The following PDXK variants were observed in gnomAD, a reference collection of about 807,000 sequenced individuals.
PDXK encodes the protein pyridoxal kinase.
PDXK carries 15 observed loss-of-function variants against 43.2 expected under a neutral mutation model. The observed-to-expected ratio is 0.35, with a 90% confidence interval of 0.23 to 0.53. The LOEUF (loss-of-function observed/expected upper bound fraction) is 0.53. Ranked by LOEUF, PDXK falls within the 20% of genes least tolerant of loss-of-function variation. PDXK has a pLI of 0.92. For missense variants in PDXK, 343 were observed against 417.0 expected (o/e 0.82, Z 1.54); for synonymous variants, 172 against 165.4 (o/e 1.04, Z -0.31).
intron 1 of PDXK, chr21:43,733,599 G>GCTGCCCGCGGAGCCCTTGGC: frequency 9.7e-7 from 1 of 1,028,074 alleles, no homozygotes; most frequent in South Asian, 3.5e-5. Flanking sequence ...AGGCATGTGT[G>GCTGCCCGCGGAGCCCTTGGC]CTGCCCGCGG....
At chr21:43,726,696 C>G (rs1427825573) in intron 1 of PDXK, among the ~76,000 whole-genome samples, 1 of 152,214 alleles carries the variant, frequency 6.6e-6, no homozygotes, top group Non-Finnish European at 1.5e-5. Context: ...GCATGAGCCA[C>G]TGCACCCAGC....
At position 43,754,828 on chromosome 21, in the gene PDXK, G is replaced by A. The variant is rs966604147; in HGVS notation, c.760-870G>A. Among the ~76,000 whole-genome samples the A allele has an allele frequency of 6.6e-5, 10 of 152,198 alleles. No individual in the cohort carries two copies. Among genetic ancestry groups the A allele is most frequent in the East Asian group, 5.8e-4 (3 of 5,166 alleles). The stretch of plus-strand genomic sequence containing the variant: ...CCGCTTAAGGGGCCACGTGTCCCCC[G>A]GGGTACACCTCCTCCCCAACAAGTC... On this transcript the variant is annotated intron_variant, in intron 9 of 10. Coordinates refer to ENST00000291565, the MANE Select transcript of PDXK (RefSeq NM_003681.5). This position sits in a 1 kb window ranked among gnomAD's most constrained non-coding sequence, Gnocchi z 5.5.
chr21:43,732,264 A>G lies in PDXK; in HGVS notation c.88-1805A>G, dbSNP rs918765790. The stretch of plus-strand genomic sequence containing the variant: ...TGGCTTCCAGCTGAAGGACATGTGT[A>G]ACAGCAGGAGATACCTTTCTCTGGG... On this transcript the variant is annotated intron_variant, in intron 1 of 10. Transcript: ENST00000291565. This position sits in a 1 kb window ranked among gnomAD's most constrained non-coding sequence, Gnocchi z 4.1. 9 of 1,509,564 alleles carry G rather than the reference A, an allele frequency of 6.0e-6. No individual in the cohort carries two copies. Among genetic ancestry groups the G allele is most frequent in the South Asian group, 1.3e-5 (1 of 75,444 alleles). The allele number at this position is 1,509,564 out of a possible 1,614,324, so 93.5% of individuals were successfully genotyped here.
chr21:43,733,397 A>G (rs968441111), intron 1 of PDXK, among the ~76,000 whole-genome samples: 1 of 152,038 alleles, frequency 6.6e-6, no homozygotes, highest in African/African-American at 2.4e-5. Context: ...GGTTTGGGGC[A>G]TTGCTGGTGC....
chr21:43,757,744 A>T lies in PDXK; in HGVS notation c.*1681A>T, dbSNP rs1047452389. 2 of 152,200 alleles carry T rather than the reference A, an allele frequency of 1.3e-5. No individual in the cohort carries two copies. The highest frequency in any genetic ancestry group is 1.9e-4 in the East Asian group (1 of 5,164). 9.4% of individuals were successfully genotyped at this position (152,200 alleles called of 1,614,324 possible). On this transcript the variant is annotated 3_prime_UTR_variant, in exon 11 of 11. Coordinates refer to ENST00000291565, the MANE Select transcript of PDXK (RefSeq NM_003681.5). ...AGCCATGTTTCCTGGCTCCGAGGAC[A>T]CGGGTGGCAGGCCCGTTGCAGCCCA... is the stretch of plus-strand genomic sequence containing the variant.
At chr21:43,751,347 G>A (rs557855018) in intron 7 of PDXK, among the ~76,000 whole-genome samples, 2 of 152,090 alleles carry the variant, frequency 1.3e-5, no homozygotes, top group African/African-American at 4.8e-5. Flanking sequence ...TCAGGAGTTC[G>A]AGACCAGCCT....
chr21:43,728,902 G>A, intron 1 of PDXK: 1 of 985,570 alleles, frequency 1.0e-6, no homozygotes. Context: ...CCCTTTCTAA[G>A]CCATCCCACT....
intron 1 of PDXK, chr21:43,719,670 T>C (rs941180032): frequency 3.7e-5 from 36 of 985,266 alleles, no homozygotes; most frequent in Non-Finnish European, 4.2e-5. Flanking sequence ...CCGCTCGTCC[T>C]CGCCCCTTCC....
chr21:43,752,812 C>T (rs934439718), intron 8 of PDXK, among the ~76,000 whole-genome samples, 183 bp downstream of exon 8: 2 of 152,172 alleles, frequency 1.3e-5, no homozygotes, highest in Non-Finnish European at 2.9e-5. Context: ...TCACAGGTCA[C>T]GATGAATGGC....
intron 7 of PDXK, among the ~76,000 whole-genome samples, chr21:43,751,198 A>T (rs1380880900): frequency 6.6e-6 from 1 of 152,226 alleles, no homozygotes; most frequent in East Asian, 1.9e-4. Context: ...TGGTTGAGTC[A>T]TCTTAGTCTG....
chr21:43,728,983 C>T lies in PDXK; in HGVS notation c.88-5086C>T, dbSNP rs1361156362. 6 of 985,660 alleles carry T rather than the reference C, an allele frequency of 6.1e-6. No individual in the cohort carries two copies. The Admixed American group carries it at 1.8e-4, about 30-fold the overall frequency. The allele number at this position is 985,660 out of a possible 1,614,324, so 61.1% of individuals were successfully genotyped here. A position where few individuals can be genotyped will look rare whatever the true frequency, so the allele number is the denominator to read the frequency against. ...TAGCCATCTGACTGGCTTTCTCTCTCGGCAGGAGACGGGGCGCACGCCTGC... is the reference window on the plus strand; with the variant it reads ...TAGCCATCTGACTGGCTTTCTCTCTTGGCAGGAGACGGGGCGCACGCCTGC... On this transcript the variant is annotated intron_variant, in intron 1 of 10. Coordinates refer to ENST00000291565, the MANE Select transcript of PDXK (RefSeq NM_003681.5).
At chr21:43,743,616 C>T in intron 3 of PDXK, 108 bp from the exon 4 acceptor site, 2 of 780,266 alleles carry the variant, frequency 2.6e-6, no homozygotes, top group Non-Finnish European at 4.4e-6. Flanking sequence ...CACCTCCCTC[C>T]CCAGCCACCC....
intron 4 of PDXK, chr21:43,745,654 G>A (rs1381993373): frequency 5.7e-6 from 1 of 176,598 alleles, no homozygotes. Flanking sequence ...ATATTAAAAA[G>A]TTAAAAAAGG....
rs1403762360 is a variant in PDXK, at chr21:43,734,015, TG to T, written c.88-51del. ...CTGAGTCAGCACCTGCTGGGGTTCG[TG>T]GGACCCCAGACCTGGCTCTCTTACG... On this transcript the variant is annotated intron_variant, in intron 1 of 10. Transcript: ENST00000291565. The surrounding 1 kb of genome is among the most constrained non-coding windows in gnomAD (Gnocchi z 5.0). The T allele has an allele frequency of 6.4e-7, 1 of 1,564,164 alleles. No homozygotes were observed. The highest frequency in any genetic ancestry group is 1.4e-5 in the African/African-American group (1 of 73,936).
intron 5 of PDXK, among the ~76,000 whole-genome samples, chr21:43,748,660 A>G (rs1467189635): frequency 1.3e-5 from 2 of 151,842 alleles, no homozygotes; most frequent in African/African-American, 2.4e-5. Context: ...TGCTCCATCC[A>G]CCTGTGGGGT....
intron 7 of PDXK, among the ~76,000 whole-genome samples, chr21:43,750,803 C>CGT (rs796509700): frequency 7.0e-6 from 1 of 142,430 alleles, no homozygotes; most frequent in East Asian, 2.1e-4. Flanking sequence ...TGGATGTGTG[C>CGT]GTGTGTGCGC....
Position 43,755,702 on chromosome 21 carries a change from C to T in PDXK, c.764C>T (p.Ala255Val), listed in dbSNP as rs1323119527. Residue 255 changes from alanine to valine, a missense_variant, in exon 10 of 11, where the codon GCC (alanine) becomes GTC (valine). Ala to Val is a moderately conservative substitution (Grantham distance 64). Transcript: ENST00000291565. The stretch of plus-strand genomic sequence containing the variant: ...GCAAGTCTGTCCTCCCTGCAGGTGG[C>T]CTGTGAGAAGACCGTGTCTACCTTG... ...THKHPNNLKV[A>V]CEKTVSTLHH... is the part of the protein sequence containing the mutation. The T allele has an allele frequency of 6.2e-7, 1 of 1,613,326 alleles. No homozygotes were observed. Among genetic ancestry groups the T allele is most frequent in the Non-Finnish European group, 8.5e-7 (1 of 1,179,330 alleles).
chr21:43,744,451 T>C (rs1325864741), intron 4 of PDXK: 1 of 155,538 alleles, frequency 6.4e-6, no homozygotes, highest in Non-Finnish European at 1.4e-5. Context: ...TTTGCCACGC[T>C]GTGTACTGTT....
intron 2 of PDXK, 118 bp from the exon 3 acceptor site, chr21:43,741,549 C>G (rs1292493352): frequency 6.6e-7 from 1 of 1,522,900 alleles, no homozygotes. Flanking sequence ...TTGAGCCAGT[C>G]CATGGGGAGG....
Sources: allele counts gnomAD v4.1 joint callset (sites outside exome capture counted in the v4.1 genomes callset), GRCh38; gene constraint gnomAD v4.1.1; non-coding constraint Gnocchi (gnomAD v3.1); transcripts MANE v1.5; gene names NCBI Gene and HGNC (gene_info 2026-07-23, HGNC 2026-07-21).